Variants in ANO3 observed in about 807,000 individuals in gnomAD.
The protein encoded by ANO3 is anoctamin 3, also known as anoctamin-3.
In ANO3, 99 loss-of-function variants were observed where a neutral mutation model predicts 144.8. The ratio of observed to expected loss-of-function variants is 0.68; its 90% confidence interval spans 0.58 to 0.81. The LOEUF is 0.81. Ranked by LOEUF, ANO3 falls within the 30% of genes least tolerant of loss-of-function variation. ANO3 has a pLI of 0.00. For missense variants in ANO3, 905 were observed against 1,202.2 expected (o/e 0.75, Z 3.66); for synonymous variants, 414 against 392.6 (o/e 1.05, Z -0.64).
chr11:26,409,127 TAA>T (rs11291107), intron 1 of ANO3, among the ~76,000 whole-genome samples: 94,462 of 147,484 alleles, frequency 0.64, 32,309 homozygotes, highest in Admixed American at 0.79. Flanking sequence ...TTAAGTACAA[TAA>T]AAAAAAAAAA....
At chr11:26,400,718 ATATATATATG>A (rs1308133945) in intron 1 of ANO3, among the ~76,000 whole-genome samples, 8 of 151,624 alleles carry the variant, frequency 5.3e-5, no homozygotes, top group African/African-American at 1.9e-4. Context: ...ATACATATAC[ATATATATATG>A]TATATATTAA....
At chr11:26,533,154 A>G (rs983429204) in intron 8 of ANO3, among the ~76,000 whole-genome samples, 2 of 152,190 alleles carry the variant, frequency 1.3e-5, no homozygotes, top group Non-Finnish European at 2.9e-5. Context: ...AGTAAAATCA[A>G]TGTATTAAGA....
chr11:26,414,845 T>A (rs1417534489), intron 1 of ANO3, among the ~76,000 whole-genome samples: 2 of 151,972 alleles, frequency 1.3e-5, no homozygotes, highest in Non-Finnish European at 2.9e-5. Context: ...TTTTCAATGA[T>A]AAGAAGTGTT....
chr11:26,454,214 A>C (rs1391271241), intron 3 of ANO3, among the ~76,000 whole-genome samples: 1 of 152,204 alleles, frequency 6.6e-6, no homozygotes, highest in African/African-American at 2.4e-5. Flanking sequence ...GAAGGCAAGG[A>C]ATAACTAAAA....
chr11:26,644,815 T>A (rs371974856), intron 23 of ANO3, among the ~76,000 whole-genome samples: 1 of 145,198 alleles, frequency 6.9e-6, no homozygotes, highest in East Asian at 2.1e-4. Flanking sequence ...GGAATACTAA[T>A]CACACACACA....
chr11:26,250,894 C>A (rs760079875), intron 1 of ANO3, among the ~76,000 whole-genome samples: 14 of 152,120 alleles, frequency 9.2e-5, no homozygotes, highest in Non-Finnish European at 1.9e-4. Context: ...TAAGCCTAGC[C>A]TACCTTAAAC....
intron 1 of ANO3, among the ~76,000 whole-genome samples, chr11:26,239,692 G>C (rs1852617600): frequency 6.6e-6 from 1 of 152,138 alleles, no homozygotes; most frequent in South Asian, 2.1e-4. Context: ...CCCAGCTTCT[G>C]TCTGTCTTGG....
chr11:26,349,559 G>GT (rs1393341266), intron 1 of ANO3, among the ~76,000 whole-genome samples: 4 of 151,694 alleles, frequency 2.6e-5, no homozygotes, highest in Non-Finnish European at 5.9e-5. Flanking sequence ...TTGTTTTTTT[G>GT]TTTTTTTGAG....
intron 1 of ANO3, among the ~76,000 whole-genome samples, chr11:26,289,756 T>C (rs970877170): frequency 1.5e-5 from 2 of 137,310 alleles, no homozygotes; most frequent in Admixed American, 1.5e-4. Context: ...ATTCTATATG[T>C]GTATATATAT....
chr11:26,594,546 G>A (rs1851552058), intron 14 of ANO3, among the ~76,000 whole-genome samples: 1 of 152,148 alleles, frequency 6.6e-6, no homozygotes, highest in African/African-American at 2.4e-5. Context: ...AAAGGTACAT[G>A]CACTCTGACT....
chr11:26,390,308 C>T (rs1239887951), intron 1 of ANO3, among the ~76,000 whole-genome samples: 1 of 152,026 alleles, frequency 6.6e-6, no homozygotes. Flanking sequence ...TTTTCCCCCT[C>T]CTCCTTTTAG....
chr11:26,575,315 A>C (rs1002901745), intron 14 of ANO3, among the ~76,000 whole-genome samples: 6 of 151,874 alleles, frequency 4.0e-5, no homozygotes, highest in Non-Finnish European at 8.8e-5. Flanking sequence ...TTAAGGTAAG[A>C]GCCTAATGGT....
chr11:26,293,218 T>C (rs1854000420), intron 1 of ANO3, among the ~76,000 whole-genome samples: 1 of 152,142 alleles, frequency 6.6e-6, no homozygotes, highest in South Asian at 2.1e-4. Flanking sequence ...AGTTTCTGCC[T>C]CATATCCTAA....
chr11:26,232,895 C>T (rs1022284709), intron 1 of ANO3, among the ~76,000 whole-genome samples: 8 of 152,124 alleles, frequency 5.3e-5, no homozygotes, highest in African/African-American at 1.9e-4. Context: ...TGACAAAGGG[C>T]TAATAGCCAT....
intron 4 of ANO3, among the ~76,000 whole-genome samples, chr11:26,482,905 G>A (rs1429781125): frequency 6.6e-6 from 1 of 152,100 alleles, no homozygotes; most frequent in East Asian, 1.9e-4. Flanking sequence ...TTCCATCCAT[G>A]TTGCCGCAAA....
intron 23 of ANO3, among the ~76,000 whole-genome samples, chr11:26,647,090 A>G (rs1034851787): frequency 6.6e-6 from 1 of 152,172 alleles, no homozygotes; most frequent in Non-Finnish European, 1.5e-5. Context: ...ACTAAGTTTA[A>G]TCCCACTGAA....
At chr11:26,618,593 T>C (rs948687502) in intron 17 of ANO3, among the ~76,000 whole-genome samples, 1 of 152,220 alleles carries the variant, frequency 6.6e-6, no homozygotes, top group African/African-American at 2.4e-5. Context: ...TTATTGGGTA[T>C]AAATTCTAAA....
At chr11:26,582,778 A>G (rs11821082) in intron 14 of ANO3, among the ~76,000 whole-genome samples, 1,843 of 152,128 alleles carry the variant, frequency 0.012, 39 homozygotes, top group African/African-American at 0.042. Context: ...TATGGCATGC[A>G]CTCCTCTATC....
intron 1 of ANO3, among the ~76,000 whole-genome samples, chr11:26,412,786 A>C (rs1444468880): frequency 7.7e-5 from 6 of 77,712 alleles, no homozygotes; most frequent in Non-Finnish European, 1.6e-4. Flanking sequence ...TTAAGGGCAG[A>C]GAAAGGAAAG....
Sources: allele counts gnomAD v4.1 joint callset (sites outside exome capture counted in the v4.1 genomes callset), GRCh38; gene constraint gnomAD v4.1.1; transcripts MANE v1.5; gene names NCBI Gene and HGNC (gene_info 2026-07-23, HGNC 2026-07-21).